CACNA2D2: variants seen among roughly 807,000 people sequenced by gnomAD.
The protein encoded by CACNA2D2 is voltage-dependent calcium channel subunit alpha-2/delta-2.
Under a neutral mutation model 166.4 loss-of-function variants are expected in CACNA2D2, and 48 were observed. The observed-to-expected ratio is 0.29, with a 90% CI of 0.23 to 0.37. The LOEUF is 0.37. Among genes scored for constraint, CACNA2D2 ranks in the 10% least tolerant of loss-of-function variants. The pLI is 1.00. For missense variants in CACNA2D2, 1,122 were observed against 1,433.0 expected, an observed-to-expected ratio of 0.78 and a Z score of 3.50; for synonymous variants, 561 against 573.7, an observed-to-expected ratio of 0.98 and a Z score of 0.32.
intron 1 of CACNA2D2, among the ~76,000 whole-genome samples, chr3:50,480,425 G>T (rs1575757084): frequency 6.6e-6 from 1 of 152,082 alleles, no homozygotes; most frequent in Admixed American, 6.5e-5. Flanking sequence ...TAAGACCTAA[G>T]GACTTATTGA....
chr3:50,408,734 C>T (rs1025503670), intron 3 of CACNA2D2, among the ~76,000 whole-genome samples: 21 of 152,178 alleles, frequency 1.4e-4, no homozygotes, highest in African/African-American at 4.8e-4. Context: ...CAGGCGGAGG[C>T]GGCCTTGCTC....
chr3:50,474,692 A>G (rs182153989), intron 2 of CACNA2D2, among the ~76,000 whole-genome samples: 148 of 152,340 alleles, frequency 9.7e-4, no homozygotes, highest in Non-Finnish European at 1.6e-3. Flanking sequence ...TGAAACTTGG[A>G]AAGGTGCTGG....
At chr3:50,435,172 G>A (rs1241484711) in intron 2 of CACNA2D2, among the ~76,000 whole-genome samples, 6 of 151,298 alleles carry the variant, frequency 4.0e-5, no homozygotes, top group Admixed American at 1.3e-4. Context: ...CAACATATCC[G>A]TTTGTGTGCA....
intron 3 of CACNA2D2, among the ~76,000 whole-genome samples, chr3:50,404,360 T>C (rs1292250645): frequency 6.6e-6 from 1 of 152,064 alleles, no homozygotes. Flanking sequence ...TGTTACCCAT[T>C]AGCCCCACCC....
Position 50,365,160 on chromosome 3 carries a change from G to A in CACNA2D2, c.3123C>T (p.Thr1041=), listed in dbSNP as rs1215983646. 6.2e-7 allele frequency: 1 copy of A among 1,612,186 alleles called. No homozygotes were observed. The highest frequency in any genetic ancestry group is 2.2e-5 in the East Asian group (1 of 44,854). ...CCACCACAAAGAGAAGATTGGTGTT[G>A]GTCAGTCTCTGCGCGTGGAACAGCC... ...CSRLFHAQRL[T]NTNLLFVVAE... is the part of the protein sequence containing the mutation. Residue 1041 remains threonine (T), a synonymous_variant, in exon 36 of 38, where the codon ACC becomes ACT. Coordinates refer to ENST00000424201, the MANE Select transcript of CACNA2D2 (RefSeq NM_006030.4). This position sits in a 1 kb window ranked among gnomAD's most constrained non-coding sequence, Gnocchi z 4.5.
intron 3 of CACNA2D2, among the ~76,000 whole-genome samples, chr3:50,410,105 A>G: frequency 6.6e-6 from 1 of 152,220 alleles, no homozygotes; most frequent in East Asian, 1.9e-4. Context: ...GGCTCAGGTC[A>G]AGCCCACATG....
At chr3:50,475,899 G>C (rs1440681189) in intron 2 of CACNA2D2, among the ~76,000 whole-genome samples, 1 of 152,156 alleles carries the variant, frequency 6.6e-6, no homozygotes, top group Non-Finnish European at 1.5e-5. Context: ...CATCGTCCAA[G>C]CCGGGTGGTG....
chr3:50,437,346 G>A (rs527795568), intron 2 of CACNA2D2, among the ~76,000 whole-genome samples: 4 of 152,264 alleles, frequency 2.6e-5, no homozygotes, highest in African/African-American at 9.6e-5. Context: ...CCTCCACCTT[G>A]CCCTGCTATC....
At chr3:50,451,429 G>T (rs1300592831) in intron 2 of CACNA2D2, among the ~76,000 whole-genome samples, 1 of 152,046 alleles carries the variant, frequency 6.6e-6, no homozygotes, top group Non-Finnish European at 1.5e-5. Context: ...CACGGCCCAG[G>T]GGCTGTTTTA....
chr3:50,372,735 G>A (rs1033085798), intron 22 of CACNA2D2, among the ~76,000 whole-genome samples: 2 of 152,174 alleles, frequency 1.3e-5, no homozygotes, highest in African/African-American at 4.8e-5. Context: ...CGTCCAGACT[G>A]TCCCTACTGT....
At chr3:50,412,176 T>A (rs1335034709) in intron 3 of CACNA2D2, among the ~76,000 whole-genome samples, 3 of 152,214 alleles carry the variant, frequency 2.0e-5, no homozygotes, top group Admixed American at 2.0e-4. Context: ...GATGTGCTTT[T>A]GAGAAGAGCT....
At chr3:50,436,745 A>T (rs1037379563) in intron 2 of CACNA2D2, among the ~76,000 whole-genome samples, 2 of 151,434 alleles carry the variant, frequency 1.3e-5, no homozygotes, top group African/African-American at 4.9e-5. Context: ...CCCTGCCCCC[A>T]CTCTCTCCCT....
At chr3:50,373,174 G>T in intron 22 of CACNA2D2, 1 of 911,478 alleles carries the variant, frequency 1.1e-6, no homozygotes, top group Admixed American at 2.2e-5. Flanking sequence ...AAGGGGAGGG[G>T]CACAAACAAT....
rs1704386350 is a variant in CACNA2D2 at position 50,367,505 on chromosome 3, A to G, written c.2298-8T>C. The G allele has an allele frequency of 6.2e-7, 1 of 1,613,584 alleles. No homozygotes were observed. ...GTCCAGTCCTCAGCTGCCCTGGAGC[A>G]CCCAAGAGGCAGACTGGTAGGTAAG... is the stretch of plus-strand genomic sequence containing the variant. On this transcript the variant is annotated splice_polypyrimidine_tract_variant and splice_region_variant and intron_variant, in intron 26 of 37. Coordinates refer to ENST00000424201, the MANE Select transcript of CACNA2D2 (RefSeq NM_006030.4). The surrounding 1 kb of genome is among the most constrained non-coding windows in gnomAD (Gnocchi z 6.5).
chr3:50,438,009 C>A (rs1169418825), intron 2 of CACNA2D2, among the ~76,000 whole-genome samples: 1 of 152,194 alleles, frequency 6.6e-6, no homozygotes, highest in Non-Finnish European at 1.5e-5. Context: ...TCCCAGGGTG[C>A]CCCAGCTCTG....
At chr3:50,412,257 T>G (rs1244855155) in intron 3 of CACNA2D2, among the ~76,000 whole-genome samples, 1 of 152,272 alleles carries the variant, frequency 6.6e-6, no homozygotes, top group East Asian at 1.9e-4. Context: ...CCCCCACATC[T>G]GGGCAGGGTG....
At chr3:50,494,615 G>A (rs141025246) in intron 1 of CACNA2D2, among the ~76,000 whole-genome samples, 104 of 152,216 alleles carry the variant, frequency 6.8e-4, no homozygotes, top group African/African-American at 2.4e-3. Context: ...CTTGCCCTTC[G>A]AGTTTGCCAA....
At position 50,434,422 on chromosome 3, in the gene CACNA2D2, T is replaced by C. The variant is rs1553744306; in HGVS notation, c.296A>G (p.Lys99Arg). Residue 99 changes from lysine to arginine, a missense_variant, in exon 3 of 38, where the codon AAG (lysine) becomes AGG (arginine). This residue lies in a region of CACNA2D2 where 840 missense variants were observed against 1,166.8 expected (regional missense o/e 0.72). Coordinates refer to ENST00000424201, the MANE Select transcript of CACNA2D2 (RefSeq NM_006030.4). Reference sequence around the variant, plus strand: ...TACCTCGAACAGGTTCCGGTTGTCCTTGTAAATCTGGAAGGAAGCAGAAGC... The same window carrying C: ...TACCTCGAACAGGTTCCGGTTGTCCCTGTAAATCTGGAAGGAAGCAGAAGC... ...GGVQQLREIY[K>R]DNRNLFEVQE... The C allele has an allele frequency of 1.9e-6, 3 of 1,613,772 alleles. No individual in the cohort carries two copies. The highest frequency in any genetic ancestry group is 2.5e-6 in the Non-Finnish European group (3 of 1,179,674).
At chr3:50,472,886 A>G (rs1365823815) in intron 2 of CACNA2D2, among the ~76,000 whole-genome samples, 1 of 152,188 alleles carries the variant, frequency 6.6e-6, no homozygotes, top group Non-Finnish European at 1.5e-5. Flanking sequence ...ATGGGACAAT[A>G]TGGTGCTGAA....
Sources: gnomAD v4.1 joint callset for allele counts (sites outside exome capture counted in the v4.1 genomes callset) on GRCh38, gnomAD v4.1.1 for gene constraint, gnomAD v4.1.1 regional missense constraint, Gnocchi (gnomAD v3.1) non-coding constraint, MANE v1.5 for transcripts, NCBI Gene and HGNC (gene_info 2026-07-23, HGNC 2026-07-21) for gene names.